The following FANCA variants were observed in gnomAD, a reference collection of about 807,000 sequenced individuals.
The protein encoded by FANCA is FA complementation group A, also known as Fanconi anemia group A protein.
A neutral mutation model predicts 194.3 loss-of-function variants in FANCA; 236 were observed. That is an observed-to-expected ratio of 1.21 (90% CI 1.09 to 1.35). The LOEUF is 1.35. Among genes scored for constraint, FANCA ranks in the 40% most tolerant of loss-of-function variants. The pLI, the probability that FANCA is intolerant of heterozygous loss-of-function variation, is 0.00. For synonymous variants in FANCA, 1,014 were observed against 715.8 expected, an observed-to-expected ratio of 1.42 and a Z score of -6.65; for missense variants, 2,628 against 1,813.9, an observed-to-expected ratio of 1.45 and a Z score of -8.15.
intron 2 of FANCA, among the ~76,000 whole-genome samples, chr16:89,814,914 C>G (rs1301037917): frequency 6.6e-6 from 1 of 151,834 alleles, no homozygotes. Flanking sequence ...GCATACCAGC[C>G]CAGGCTACAG....
chr16:89,806,307 T>G (rs1233110955), intron 6 of FANCA, among the ~76,000 whole-genome samples: 5 of 151,098 alleles, frequency 3.3e-5, no homozygotes, highest in Non-Finnish European at 7.4e-5. Context: ...CCACAGTCAG[T>G]CAGGTCAGCT....
chr16:89,781,670 C>G (rs1298801650), intron 17 of FANCA, among the ~76,000 whole-genome samples: 1 of 139,600 alleles, frequency 7.2e-6, no homozygotes, highest in Admixed American at 7.3e-5. Context: ...AGCGAGACTC[C>G]GTCTCAAAAA....
intron 3 of FANCA, among the ~76,000 whole-genome samples, chr16:89,812,189 A>C (rs2040911051): frequency 6.6e-6 from 1 of 151,206 alleles, no homozygotes; most frequent in Admixed American, 6.6e-5. Flanking sequence ...CAAAAACAAA[A>C]TTAGCCAGGT....
At position 89,778,800 on chromosome 16, in the gene FANCA, C is replaced by G; in HGVS notation, c.1826+1G>C. 1 of 1,613,980 alleles carries G rather than the reference C, an allele frequency of 6.2e-7. No individual in the cohort carries two copies. Among genetic ancestry groups the G allele is most frequent in the Non-Finnish European group, 8.5e-7 (1 of 1,179,902 alleles). On this transcript the variant is annotated splice_donor_variant, in intron 20 of 42. Coordinates refer to ENST00000389301, the MANE Select transcript of FANCA (RefSeq NM_000135.4). LOFTEE classifies it high-confidence loss of function. ...ATCCCCTTCTAACCGTTGCTGCATA[C>G]CTCTTCAGAGACTCTATAAACGCCA...
At position 89,792,018 on chromosome 16, in the gene FANCA, A is replaced by G; in HGVS notation, c.1134T>C (p.Val378=). ...AEELVGHLQE[V]LETQEVHWQR... The stretch of plus-strand genomic sequence containing the variant: ...GCCAGTGAACCTCCTGCGTTTCCAG[A>G]ACTTCTTGCAAATGGCCAACCAACT... The change falls in exon 13 of 43, where the codon GTT becomes GTC. Residue 378 remains valine, a synonymous_variant. Coordinates refer to ENST00000389301, the MANE Select transcript of FANCA (RefSeq NM_000135.4). 1.1e-5 allele frequency: 18 copies of G among 1,614,210 alleles called. No individual in the cohort carries two copies. The highest frequency in any genetic ancestry group is 1.5e-5 in the Non-Finnish European group (18 of 1,180,034).
At position 89,804,968 on chromosome 16, in the gene FANCA, G is replaced by A. The variant is rs17232309; in HGVS notation, c.709+312C>T. On this transcript the variant is annotated intron_variant, in intron 7 of 42. Transcript: ENST00000389301. ...AGAGAATCACTTGAACCCAGGAGGCGGAGGTTGCAGTGAGCTGAGATCGCG... is the reference window on the plus strand; with the variant it reads ...AGAGAATCACTTGAACCCAGGAGGCAGAGGTTGCAGTGAGCTGAGATCGCG... 0.07 allele frequency among the ~76,000 whole-genome samples: 10,615 copies of A among 152,254 alleles called. 625 individuals carry two copies. The highest frequency in any genetic ancestry group is 0.12 in the Middle Eastern group (34 of 294).
chr16:89,809,986 A>G (rs1276867064), intron 5 of FANCA, among the ~76,000 whole-genome samples: 1 of 152,048 alleles, frequency 6.6e-6, no homozygotes, highest in African/African-American at 2.4e-5. Flanking sequence ...AGATTGCGCC[A>G]CTGCACTCCA....
intron 3 of FANCA, among the ~76,000 whole-genome samples, chr16:89,812,862 G>A (rs912339535): frequency 1.3e-5 from 2 of 151,074 alleles, no homozygotes; most frequent in Admixed American, 6.6e-5. Context: ...GTGAAACCCC[G>A]CCTCTACTAA....
chr16:89,738,760 C>G (rs761896034), intron 42 of FANCA, 52 bp from the exon 43 acceptor site: 6 of 1,612,584 alleles, frequency 3.7e-6, no homozygotes, highest in Non-Finnish European at 5.1e-6. Context: ...GGCCTCAGAC[C>G]ACAGGGGAGG....
rs915046341 is a variant in FANCA, at chr16:89,737,774, G to T, written c.*827C>A. 6.2e-7 allele frequency: 1 copy of T among 1,612,724 alleles called. No homozygotes were observed. Among genetic ancestry groups the T allele is most frequent in the Non-Finnish European group, 8.5e-7 (1 of 1,179,026 alleles). ...TCCCCCCGGGAGGTTGGAGCATCAG[G>T]GGCCTGGACTCACTGGACTCTCCCC... is the stretch of plus-strand genomic sequence containing the variant. On this transcript the variant is annotated 3_prime_UTR_variant, in exon 43 of 43. Transcript: ENST00000389301.
chr16:89,785,230 C>A (rs914621783), intron 14 of FANCA, among the ~76,000 whole-genome samples: 1 of 152,152 alleles, frequency 6.6e-6, no homozygotes, highest in Non-Finnish European at 1.5e-5. Flanking sequence ...GTCACGACTG[C>A]GCTTTGACTG....
At chr16:89,746,061 C>A (rs538018892) in intron 35 of FANCA, among the ~76,000 whole-genome samples, 1 of 152,122 alleles carries the variant, frequency 6.6e-6, no homozygotes, top group African/African-American at 2.4e-5. Flanking sequence ...CTAAGTGAGC[C>A]GCCAGGGAAG....
Position 89,805,331 on chromosome 16 carries a change from G to A in FANCA, c.658C>T (p.Gln220Ter), listed in dbSNP as rs775697743. The change falls in exon 7 of 43, where the codon CAG (glutamine) becomes TAG (stop). Residue 220 changes from glutamine (Q) to a stop codon, truncating the protein, a stop_gained. Transcript: ENST00000389301. LOFTEE classifies it high-confidence loss of function. ...GCATGCTGGCAGGATGCTTCCATCT[G>A]TTCACAAAGGCAGCACAGATTCCTG... ...LFRNLCCLCE[Q>*]MEASCQHADV... 6.2e-7 allele frequency: 1 copy of A among 1,614,056 alleles called. No individual in the cohort carries two copies. Among genetic ancestry groups the A allele is most frequent in the Non-Finnish European group, 8.5e-7 (1 of 1,179,980 alleles).
chr16:89,757,301 C>A (rs1201855596), intron 30 of FANCA, among the ~76,000 whole-genome samples: 1 of 152,134 alleles, frequency 6.6e-6, no homozygotes, highest in African/African-American at 2.4e-5. Context: ...AAGGTAACAG[C>A]AGATAAATGG....
In FANCA at chr16:89,763,762, A is replaced by G. The variant is rs555149912; in HGVS notation, c.2778+1128T>C. Among the ~76,000 whole-genome samples the G allele has an allele frequency of 4.6e-4, 70 of 151,970 alleles. No homozygotes were observed. The South Asian group carries it at 0.012, about 27-fold the overall frequency. Reference sequence around the variant, plus strand: ...GACCAGCCTAACATGGTGAAACCCCATCTCTACTAAAAATACAAAACTTAG... The same window carrying G: ...GACCAGCCTAACATGGTGAAACCCCGTCTCTACTAAAAATACAAAACTTAG... On this transcript the variant is annotated intron_variant, in intron 28 of 42. Transcript: ENST00000389301.
At chr16:89,754,008 A>T (rs7206721) in intron 30 of FANCA, among the ~76,000 whole-genome samples, 2 of 151,676 alleles carry the variant, frequency 1.3e-5, no homozygotes, top group African/African-American at 4.9e-5. Flanking sequence ...CAGCTGAGAT[A>T]GTGCCACTGT....
chr16:89,764,850 C>G, intron 28 of FANCA, 40 bp downstream of exon 28: 1 of 1,607,506 alleles, frequency 6.2e-7, no homozygotes, highest in East Asian at 2.2e-5. Context: ...ACCCTAGACT[C>G]AGGACGTGGC....
intron 8 of FANCA, among the ~76,000 whole-genome samples, chr16:89,802,813 T>C (rs1324525462): frequency 6.6e-5 from 10 of 152,174 alleles, no homozygotes; most frequent in East Asian, 1.9e-4. Flanking sequence ...AAATATTGCA[T>C]GTTATCACAA....
intron 4 of FANCA, 51 bp downstream of exon 4, chr16:89,810,878 C>T (rs2143678634): frequency 6.2e-7 from 1 of 1,614,022 alleles, no homozygotes; most frequent in East Asian, 2.2e-5. Context: ...TTTTCCCAAC[C>T]AGCTTAAAAG....
Sources: gnomAD v4.1 joint callset for allele counts (sites outside exome capture counted in the v4.1 genomes callset) on GRCh38, gnomAD v4.1.1 for gene constraint, MANE v1.5 for transcripts, NCBI Gene and HGNC (gene_info 2026-07-23, HGNC 2026-07-21) for gene names.